KYNU: variants seen among roughly 807,000 people sequenced by gnomAD.
The protein encoded by KYNU is kynureninase.
Under a neutral mutation model 59.2 loss-of-function variants are expected in KYNU, and 54 were observed. That is an observed-to-expected ratio of 0.91 (90% confidence interval 0.73 to 1.14). The LOEUF (loss-of-function observed/expected upper bound fraction) is 1.14. KYNU is among the 50% of genes most tolerant of loss of function. The pLI, the probability that KYNU is intolerant of heterozygous loss-of-function variation, is 0.00. For missense variants in KYNU, 567 were observed against 554.4 expected, an observed-to-expected ratio of 1.02 and a Z score of -0.23; for synonymous variants, 177 against 192.0, an observed-to-expected ratio of 0.92 and a Z score of 0.65.
At chr2:142,896,060 C>CA (rs760820471) in intron 2 of KYNU, among the ~76,000 whole-genome samples, 10 of 152,140 alleles carry the variant, frequency 6.6e-5, no homozygotes, top group Non-Finnish European at 1.5e-4. Flanking sequence ...AATGTAAAAA[C>CA]ATTCTTAGCT....
intron 10 of KYNU, among the ~76,000 whole-genome samples, chr2:143,006,512 T>C: frequency 5.4e-5 from 1 of 18,496 alleles, no homozygotes; most frequent in Non-Finnish European, 9.3e-5. Context: ...CTTGATTAGG[T>C]AAACAAAGCA....
intron 8 of KYNU, among the ~76,000 whole-genome samples, chr2:142,962,058 GAT>G (rs1684373725): frequency 6.6e-6 from 1 of 152,130 alleles, no homozygotes; most frequent in Non-Finnish European, 1.5e-5. Context: ...AAGATATAAA[GAT>G]AATGTCTTCT....
At position 142,885,479 on chromosome 2, in the gene KYNU, A is replaced by G; in HGVS notation, c.112A>G (p.Lys38Glu). 1 of 1,614,040 alleles carries G rather than the reference A, an allele frequency of 6.2e-7. No individual in the cohort carries two copies. The highest frequency in any genetic ancestry group is 1.1e-5 in the South Asian group (1 of 91,080). The change falls in exon 2 of 14, where the codon AAG becomes GAG. Residue 38 changes from lysine (K) to glutamate (E), a missense_variant. By Grantham distance (56) the Lys-to-Glu change is moderately conservative. Transcript: ENST00000264170. Reference protein sequence around the residue: ...RVALHLDEEDKLRHFRECFYI... With the variant: ...RVALHLDEEDELRHFRECFYI... ...GGCTCTCCACCTAGATGAGGAAGAT[A>G]AGCTGAGGCACTTCAGGGAGTGCTT...
In KYNU at chr2:142,985,282, T is replaced by C; in HGVS notation, c.828+100T>C. On this transcript the variant is annotated intron_variant, in intron 9 of 13. Coordinates refer to ENST00000264170, the MANE Select transcript of KYNU (RefSeq NM_003937.3). ...GGCCAATTTTAAAGATTTGAGTTAC[T>C]TTCCCTATTTCTTTTATTGTATTTT... 10 of 754,030 alleles carry C rather than the reference T, an allele frequency of 1.3e-5. No homozygotes were observed. In the South Asian group the frequency reaches 1.4e-4, roughly 11 times the overall value. 46.7% of individuals were successfully genotyped at this position (754,030 alleles called of 1,614,324 possible).
chr2:143,023,657 A>C (rs1686470272), intron 10 of KYNU, among the ~76,000 whole-genome samples: 1 of 151,900 alleles, frequency 6.6e-6, no homozygotes, highest in South Asian at 2.1e-4. Context: ...TATTGACAAA[A>C]CTATCAAGTG....
intron 3 of KYNU, among the ~76,000 whole-genome samples, chr2:142,920,664 G>T (rs1323852914): frequency 2.0e-5 from 3 of 152,130 alleles, no homozygotes; most frequent in Non-Finnish European, 2.9e-5. Context: ...GTTTTCATTA[G>T]ACAGATGATT....
chr2:142,974,354 A>C (rs533570839), intron 8 of KYNU, among the ~76,000 whole-genome samples: 40 of 152,324 alleles, frequency 2.6e-4, no homozygotes, highest in African/African-American at 8.7e-4. Flanking sequence ...GTAAATCAGC[A>C]CTTTACATAA....
At position 143,033,278 on chromosome 2, in the gene KYNU, AT is replaced by A. The variant is rs768803201; in HGVS notation, c.999del (p.Pro334LeufsTer13). On this transcript the variant is annotated frameshift_variant, in exon 12 of 14. Coordinates refer to ENST00000264170, the MANE Select transcript of KYNU (RefSeq NM_003937.3). LOFTEE classifies it high-confidence loss of function. ...IPGVCGFRIS[N>X]PPILLVCSLH... ...GGGGTCTGTGGATTCCGAATTTCAAATCCTCCCATTTTGTTGGTCTGTTCCT... is the reference window on the plus strand; with the variant it reads ...GGGGTCTGTGGATTCCGAATTTCAAACCTCCCATTTTGTTGGTCTGTTCCT... 6.2e-7 allele frequency: 1 copy of A among 1,613,968 alleles called. No homozygotes were observed. Among genetic ancestry groups the A allele is most frequent in the South Asian group, 1.1e-5 (1 of 91,074 alleles).
At chr2:142,946,056 A>G (rs1455033678) in intron 4 of KYNU, among the ~76,000 whole-genome samples, 4 of 151,658 alleles carry the variant, frequency 2.6e-5, no homozygotes, top group South Asian at 2.1e-4. Context: ...CCAAATTTTT[A>G]ACTTTAATTT....
intron 2 of KYNU, among the ~76,000 whole-genome samples, chr2:142,913,103 C>A (rs1682552788): frequency 6.6e-6 from 1 of 152,072 alleles, no homozygotes; most frequent in South Asian, 2.1e-4. Flanking sequence ...TCTTTTTAAT[C>A]TAGATAGTAG....
In KYNU at chr2:143,032,139, G is replaced by C. The variant is rs533669036; in HGVS notation, c.956-1097G>C. Among the ~76,000 whole-genome samples, 166 of 152,146 alleles carry C rather than the reference G, an allele frequency of 1.1e-3. 2 individuals carry two copies. Among genetic ancestry groups the C allele is most frequent in the African/African-American group, 3.8e-3 (157 of 41,514 alleles). On this transcript the variant is annotated intron_variant, in intron 11 of 13. Transcript: ENST00000264170. ...AAAAATACAAAAAAATTAGCTGGGC[G>C]TGGTGACAGGCACCCGTAGTCCCAG...
intron 10 of KYNU, among the ~76,000 whole-genome samples, chr2:142,986,819 T>C (rs1685216327): frequency 6.6e-6 from 1 of 151,884 alleles, no homozygotes; most frequent in Middle Eastern, 3.2e-3. Flanking sequence ...ATTAGTTTTC[T>C]GAATTTCCTC....
Position 142,985,183 on chromosome 2 carries a change from G to C in KYNU, c.828+1G>C, listed in dbSNP as rs758782030. On this transcript the variant is annotated splice_donor_variant, in intron 9 of 13. Coordinates refer to ENST00000264170, the MANE Select transcript of KYNU (RefSeq NM_003937.3). LOFTEE classifies it high-confidence loss of function. Reference sequence around the variant, plus strand: ...TTTTGCCTGCTGGTGTTCCTACAAGGTACAAACGAGTTAATACATTTACAT... The same window carrying C: ...TTTTGCCTGCTGGTGTTCCTACAAGCTACAAACGAGTTAATACATTTACAT... The C allele has an allele frequency of 1.9e-6, 3 of 1,549,914 alleles. No individual in the cohort carries two copies. In the South Asian group the frequency reaches 3.3e-5, roughly 17 times the overall value.
chr2:142,918,084 A>G (rs890805812), intron 2 of KYNU, among the ~76,000 whole-genome samples: 2 of 152,190 alleles, frequency 1.3e-5, no homozygotes, highest in Non-Finnish European at 2.9e-5. Context: ...TTGCCTATAC[A>G]TGTGTTAGTA....
At chr2:142,967,466 T>C (rs1684584693) in intron 8 of KYNU, 2 of 152,166 alleles carry the variant, frequency 1.3e-5, no homozygotes, top group South Asian at 4.1e-4. Flanking sequence ...TCATAAGCTG[T>C]TTAAATTATT....
intron 11 of KYNU, among the ~76,000 whole-genome samples, chr2:143,031,744 G>A (rs1433138526): frequency 1.3e-5 from 2 of 152,024 alleles, no homozygotes; most frequent in African/African-American, 4.8e-5. Flanking sequence ...AACAAAACTA[G>A]TGGGTCAAAT....
At chr2:142,880,662 T>C (rs1681264298) in intron 1 of KYNU, among the ~76,000 whole-genome samples, 1 of 152,256 alleles carries the variant, frequency 6.6e-6, no homozygotes, top group Admixed American at 6.5e-5. Context: ...TTTGATTATG[T>C]ACTCAGCTAA....
intron 2 of KYNU, 27 bp downstream of exon 2, chr2:142,885,563 TTTTA>T (rs751169783): frequency 2.0e-5 from 32 of 1,566,042 alleles, no homozygotes; most frequent in Middle Eastern, 2.2e-4. Context: ...GGTTTTTAAA[TTTTA>T]TTTATTTATT....
rs535893024 is a variant in KYNU at position 142,882,757 on chromosome 2, GT to G, written c.-19-2589del. ...ATGGACATTTGGGTTGGTTCCAAGTGTTTGCTATTGTGAATAGTGCTGCAAT... is the reference window on the plus strand; with the variant it reads ...ATGGACATTTGGGTTGGTTCCAAGTGTTGCTATTGTGAATAGTGCTGCAAT... On this transcript the variant is annotated intron_variant, in intron 1 of 13. Coordinates refer to ENST00000264170, the MANE Select transcript of KYNU (RefSeq NM_003937.3). 3.8e-4 allele frequency among the ~76,000 whole-genome samples: 58 copies of G among 152,210 alleles called. No homozygotes were observed. The East Asian group carries it at 0.011, about 29-fold the overall frequency.
Sources: gnomAD v4.1 joint callset for allele counts (sites outside exome capture counted in the v4.1 genomes callset) on GRCh38, gnomAD v4.1.1 for gene constraint, MANE v1.5 for transcripts, NCBI Gene and HGNC (gene_info 2026-07-23, HGNC 2026-07-21) for gene names.